The following ANK3 variants were observed in gnomAD, a reference collection of about 807,000 sequenced individuals.
ANK3 encodes ankyrin-3.
In ANK3, 57 loss-of-function variants were observed where a neutral mutation model predicts 370.9. The observed-to-expected ratio is 0.15, with a 90% confidence interval of 0.12 to 0.19. ANK3 has a LOEUF of 0.19. ANK3 is among the 10% of genes least tolerant of loss of function. The pLI is 1.00. For synonymous variants in ANK3, 1,929 were observed against 1,946.3 expected (o/e 0.99, Z 0.23); for missense variants, 4,439 against 5,302.1 (o/e 0.84, Z 5.06).
intron 28 of ANK3, 108 bp from the exon 29 acceptor site, chr10:60,088,466 C>A (rs562160322): frequency 3.0e-6 from 3 of 1,011,250 alleles, no homozygotes; most frequent in African/African-American, 1.6e-5. Context: ...ACTCTTGTTA[C>A]CCAGGCTGAA....
chr10:60,185,834 C>T (rs981021002), intron 17 of ANK3, among the ~76,000 whole-genome samples: 2 of 152,144 alleles, frequency 1.3e-5, no homozygotes, highest in Admixed American at 1.3e-4. Flanking sequence ...ACTTCATTAA[C>T]AAGTTTCTGG....
intron 1 of ANK3, among the ~76,000 whole-genome samples, chr10:60,314,225 G>A (rs984432495): frequency 2.0e-5 from 3 of 152,150 alleles, no homozygotes; most frequent in African/African-American, 7.2e-5. Flanking sequence ...AGACAGAAAC[G>A]CATAATGCTA....
At chr10:60,342,280 C>T (rs568342839) in intron 1 of ANK3, among the ~76,000 whole-genome samples, 23 of 152,160 alleles carry the variant, frequency 1.5e-4, no homozygotes, top group Admixed American at 7.2e-4. Flanking sequence ...GATAAGAATT[C>T]GGATATTGAA....
intron 1 of ANK3, among the ~76,000 whole-genome samples, chr10:60,619,655 G>A (rs1350320830): frequency 1.3e-5 from 2 of 152,068 alleles, no homozygotes; most frequent in African/African-American, 2.4e-5. Context: ...GAGCCTCAGG[G>A]GAGATGTTAT....
chr10:60,583,036 A>G (rs2077776913), intron 2 of ANK3, among the ~76,000 whole-genome samples: 1 of 152,224 alleles, frequency 6.6e-6, no homozygotes, highest in Non-Finnish European at 1.5e-5. Flanking sequence ...TATAAAATCA[A>G]TATGTTGAAG....
chr10:60,103,238 C>A (rs1184565274), intron 28 of ANK3, among the ~76,000 whole-genome samples: 1 of 152,166 alleles, frequency 6.6e-6, no homozygotes, highest in African/African-American at 2.4e-5. Context: ...GCGTGAACCA[C>A]ACTGCACCCG....
intron 25 of ANK3, among the ~76,000 whole-genome samples, chr10:60,126,222 T>C (rs2093747028): frequency 6.6e-6 from 1 of 152,122 alleles, no homozygotes; most frequent in Non-Finnish European, 1.5e-5. Context: ...AAGGAAGTCT[T>C]CAAAAGAAAG....
At chr10:60,252,486 C>T (rs2097683825) in intron 7 of ANK3, among the ~76,000 whole-genome samples, 1 of 152,160 alleles carries the variant, frequency 6.6e-6, no homozygotes, top group Non-Finnish European at 1.5e-5. Context: ...CAACTCCTAC[C>T]TTAATAGAAC....
chr10:60,239,528 A>G (rs1413010237), intron 7 of ANK3, among the ~76,000 whole-genome samples: 1 of 152,234 alleles, frequency 6.6e-6, no homozygotes, highest in Non-Finnish European at 1.5e-5. Flanking sequence ...ACACCAAATG[A>G]AAATACCTTC....
chr10:60,680,190 T>A (rs1020237263), intron 1 of ANK3, among the ~76,000 whole-genome samples: 6 of 151,704 alleles, frequency 4.0e-5, no homozygotes, highest in Admixed American at 1.3e-4. Context: ...AAATAGATTT[T>A]AAAAAATATA....
chr10:60,099,055 C>T (rs1310096140), intron 28 of ANK3, among the ~76,000 whole-genome samples: 2 of 152,084 alleles, frequency 1.3e-5, no homozygotes, highest in African/African-American at 4.8e-5. Flanking sequence ...ACAAATGTGA[C>T]CATTTTTTGA....
chr10:60,251,306 T>G (rs911079289), intron 7 of ANK3, among the ~76,000 whole-genome samples: 1 of 152,150 alleles, frequency 6.6e-6, no homozygotes, highest in African/African-American at 2.4e-5. Context: ...CTAGACACTT[T>G]CTGAGGAGCA....
intron 16 of ANK3, among the ~76,000 whole-genome samples, chr10:60,190,284 C>T (rs2096452696): frequency 6.6e-6 from 1 of 152,154 alleles, no homozygotes; most frequent in Admixed American, 6.5e-5. Context: ...CTGTCACATC[C>T]ATGTGGTAAT....
intron 23 of ANK3, among the ~76,000 whole-genome samples, chr10:60,147,086 T>A (rs1259535880): frequency 6.6e-6 from 1 of 152,208 alleles, no homozygotes; most frequent in Non-Finnish European, 1.5e-5. Flanking sequence ...TTAAGTAAGG[T>A]TTCCTGTGAA....
chr10:60,232,635 T>TTTGTTTCTTTTAA (rs2097263390), intron 8 of ANK3, among the ~76,000 whole-genome samples: 1 of 152,086 alleles, frequency 6.6e-6, no homozygotes, highest in African/African-American at 2.4e-5. Flanking sequence ...ATTTAGAAAG[T>TTTGTTTCTTTTAA]TTGTTTCTTT....
At chr10:60,590,775 T>C (rs2077898391) in intron 2 of ANK3, among the ~76,000 whole-genome samples, 1 of 152,250 alleles carries the variant, frequency 6.6e-6, no homozygotes, top group African/African-American at 2.4e-5. Flanking sequence ...AAATCATCTC[T>C]AGACTACTTT....
At chr10:60,210,625 C>T (rs954986771) in intron 9 of ANK3, among the ~76,000 whole-genome samples, 4 of 152,158 alleles carry the variant, frequency 2.6e-5, no homozygotes, top group African/African-American at 9.6e-5. Context: ...TATCCTTCCT[C>T]TCCCAAAACT....
At chr10:60,305,579 A>C (rs1392905252) in intron 1 of ANK3, among the ~76,000 whole-genome samples, 1 of 152,188 alleles carries the variant, frequency 6.6e-6, no homozygotes, top group African/African-American at 2.4e-5. Context: ...GCTGTTACTG[A>C]GTCATTTCCC....
chr10:60,407,662 C>A (rs2063482161), intron 2 of ANK3, among the ~76,000 whole-genome samples: 1 of 152,100 alleles, frequency 6.6e-6, no homozygotes, highest in Admixed American at 6.6e-5. Flanking sequence ...CATCTTATGA[C>A]TTTGTAATTC....
Sources: gnomAD v4.1 joint callset for allele counts (sites outside exome capture counted in the v4.1 genomes callset) on GRCh38, gnomAD v4.1.1 for gene constraint, MANE v1.5 for transcripts, NCBI Gene and HGNC (gene_info 2026-07-23, HGNC 2026-07-21) for gene names.